Variants in TAB3 observed in about 807,000 individuals in gnomAD.
The protein encoded by TAB3 is TGF-beta activated kinase 1 (MAP3K7) binding protein 3, also known as TGF-beta-activated kinase 1 and MAP3K7-binding protein 3.
A neutral mutation model predicts 48.1 loss-of-function variants in TAB3; 18 were observed. The observed-to-expected ratio is 0.37, with a 90% confidence interval of 0.26 to 0.55. TAB3 has a LOEUF of 0.55. Ranked by LOEUF, TAB3 falls within the 20% of genes least tolerant of loss-of-function variation. TAB3 has a pLI of 0.78. For synonymous variants in TAB3, 185 were observed against 190.2 expected, an observed-to-expected ratio of 0.97 and a Z score of 0.22; for missense variants, 414 against 549.8, an observed-to-expected ratio of 0.75 and a Z score of 2.47.
At chrX:30,880,958 G>A (rs1939982978) in intron 1 of TAB3, among the ~76,000 whole-genome samples, 1 of 111,138 alleles carries the variant, frequency 9.0e-6, no homozygotes, top group African/African-American at 3.3e-5. Context: ...CCTACTCCAA[G>A]GTCACAAAGA....
intron 9 of TAB3, among the ~76,000 whole-genome samples, chrX:30,838,066 T>C (rs1187030745): frequency 1.8e-5 from 2 of 112,234 alleles, no homozygotes; most frequent in Admixed American, 9.5e-5. Flanking sequence ...ACTGTGGTTA[T>C]TGTAGCTTTA....
intron 2 of TAB3, among the ~76,000 whole-genome samples, chrX:30,868,559 TATATAGCTTATATATATATATATATATAG>T (rs1346497194): frequency 1.6e-4 from 1 of 6,086 alleles, no homozygotes; most frequent in Non-Finnish European, 2.3e-4. Flanking sequence ...TATATATATA[TATATAGCTTATATATATATATATATATAG>T]AGAGAGAGAG....
At chrX:30,834,914 G>C (rs1938148789) in intron 9 of TAB3, 1 of 112,165 alleles carries the variant, frequency 8.9e-6, no homozygotes, top group Admixed American at 9.5e-5. Flanking sequence ...TTACAGGCAG[G>C]AGCCACTGTG....
intron 8 of TAB3, 76 bp downstream of exon 8, chrX:30,846,475 A>G: frequency 1.3e-6 from 1 of 762,216 alleles, no homozygotes; most frequent in Non-Finnish European, 1.9e-6. Context: ...AATCTACAAA[A>G]CCAAAGTTAT....
intron 2 of TAB3, among the ~76,000 whole-genome samples, chrX:30,871,265 A>G (rs1939655479): frequency 8.9e-6 from 1 of 112,082 alleles, no homozygotes; most frequent in Non-Finnish European, 1.9e-5. Flanking sequence ...TGAGAATAAG[A>G]AAAATTACAA....
intron 7 of TAB3, among the ~76,000 whole-genome samples, chrX:30,851,932 A>C (rs1016690853): frequency 1.8e-5 from 2 of 112,319 alleles, no homozygotes; most frequent in African/African-American, 6.5e-5. Flanking sequence ...TTGATGTATA[A>C]ATTCTCTCAT....
chrX:30,887,308 C>T (rs1940160569), intron 1 of TAB3, among the ~76,000 whole-genome samples: 1 of 111,904 alleles, frequency 8.9e-6, no homozygotes, highest in Non-Finnish European at 1.9e-5. Flanking sequence ...AATCTCTTTA[C>T]AGATCAGCAG....
At chrX:30,843,094 C>A in intron 8 of TAB3, 45 bp from the exon 9 acceptor site, 2 of 759,531 alleles carry the variant, frequency 2.6e-6, no homozygotes, top group Non-Finnish European at 3.8e-6. Flanking sequence ...ACTCTTTTTT[C>A]CTGTTATTTG....
At chrX:30,865,188 G>A (rs1421841248) in intron 4 of TAB3, among the ~76,000 whole-genome samples, 1 of 112,021 alleles carries the variant, frequency 8.9e-6, no homozygotes, top group Non-Finnish European at 1.9e-5. Context: ...GCAATGAAAG[G>A]TATTTAGCAT....
At chrX:30,833,974 G>C in intron 10 of TAB3, 77 bp downstream of exon 10, 1 of 950,369 alleles carries the variant, frequency 1.1e-6, no homozygotes, top group Non-Finnish European at 1.5e-6. Context: ...TAAAGGTATG[G>C]TTTTACTTAT....
chrX:30,853,579 C>T (rs1938940536), intron 6 of TAB3, among the ~76,000 whole-genome samples: 1 of 112,617 alleles, frequency 8.9e-6, no homozygotes, highest in Non-Finnish European at 1.9e-5. Flanking sequence ...GTATTTTTCG[C>T]TCTATGAATA....
At chrX:30,881,586 CTT>C (rs779518017) in intron 1 of TAB3, among the ~76,000 whole-genome samples, 15 of 111,594 alleles carry the variant, frequency 1.3e-4, no homozygotes, top group African/African-American at 4.9e-4. Flanking sequence ...GATAAACTGA[CTT>C]ATATCTAGAC....
intron 7 of TAB3, among the ~76,000 whole-genome samples, chrX:30,850,610 G>C (rs986300323): frequency 9.2e-6 from 1 of 108,563 alleles, no homozygotes; most frequent in Non-Finnish European, 1.9e-5. Context: ...TACTCGGGAG[G>C]CTGAGGCAGG....
rs1937928464 is a variant in TAB3 at position 30,827,621 on chromosome X, T to C, written c.*3806A>G. ...GAGACATGGTATTTACAAGATTTAA[T>C]AAGTTTTTGCTGCTTTAATGAAGAA... On this transcript the variant is annotated 3_prime_UTR_variant, in exon 11 of 11. Coordinates refer to ENST00000288422, the MANE Select transcript of TAB3 (RefSeq NM_152787.5). The C allele has an allele frequency of 8.9e-6, 1 of 112,687 alleles. No homozygotes were observed. Among genetic ancestry groups the C allele is most frequent in the Non-Finnish European group, 1.9e-5 (1 of 53,298 alleles). 9.3% of individuals were successfully genotyped at this position (112,687 alleles called of 1,213,427 possible).
chrX:30,847,301 A>G (rs886308340), intron 7 of TAB3, among the ~76,000 whole-genome samples: 3 of 110,120 alleles, frequency 2.7e-5, no homozygotes, highest in Non-Finnish European at 5.7e-5. Context: ...TGAAAACTTC[A>G]GAAACAAATG....
At chrX:30,888,569 G>A (rs978020210) in intron 1 of TAB3, among the ~76,000 whole-genome samples, 8 of 112,239 alleles carry the variant, frequency 7.1e-5, no homozygotes, top group Non-Finnish European at 1.3e-4. Context: ...GACCTCAGAG[G>A]ACTGCTTGTG....
chrX:30,860,936 TACTC>T (rs1939230898), intron 4 of TAB3, among the ~76,000 whole-genome samples: 1 of 111,911 alleles, frequency 8.9e-6, no homozygotes, highest in Admixed American at 9.4e-5. Context: ...GCATGCAACT[TACTC>T]TCAAACAGTT....
intron 4 of TAB3, among the ~76,000 whole-genome samples, chrX:30,864,439 T>G (rs894243739): frequency 3.6e-5 from 4 of 111,617 alleles, no homozygotes; most frequent in Admixed American, 2.9e-4. Flanking sequence ...CCTCCCTAAT[T>G]CAAGACTGCT....
intron 1 of TAB3, among the ~76,000 whole-genome samples, chrX:30,884,480 C>T (rs1290332251): frequency 9.1e-6 from 1 of 109,995 alleles, no homozygotes; most frequent in Non-Finnish European, 1.9e-5. Context: ...CATTTTACCC[C>T]GAGATCATAT....
Sources: gnomAD v4.1 joint callset for allele counts (sites outside exome capture counted in the v4.1 genomes callset) on GRCh38, gnomAD v4.1.1 for gene constraint, MANE v1.5 for transcripts, NCBI Gene and HGNC (gene_info 2026-07-23, HGNC 2026-07-21) for gene names.